Variants in SRSF4 observed in about 807,000 individuals in gnomAD.
SRSF4 encodes serine and arginine rich splicing factor 4.
SRSF4 carries 12 observed loss-of-function variants against 48.8 expected under a neutral mutation model. The observed-to-expected ratio is 0.25, with a 90% CI of 0.16 to 0.40. The LOEUF (loss-of-function observed/expected upper bound fraction) is 0.40. Ranked by LOEUF, SRSF4 falls within the 10% of genes least tolerant of loss-of-function variation. The pLI is 1.00. For synonymous variants in SRSF4, 248 were observed against 232.5 expected, an observed-to-expected ratio of 1.07 and a Z score of -0.61; for missense variants, 466 against 667.1, an observed-to-expected ratio of 0.70 and a Z score of 3.32.
chr1:29,175,533 A>C (rs1232113364), intron 1 of SRSF4, among the ~76,000 whole-genome samples: 1 of 150,254 alleles, frequency 6.7e-6, no homozygotes, highest in Admixed American at 6.6e-5. Flanking sequence ...GTCTCTACTA[A>C]AAATACAAAA....
chr1:29,178,295 C>T (rs1672900237), intron 1 of SRSF4, among the ~76,000 whole-genome samples: 1 of 151,854 alleles, frequency 6.6e-6, no homozygotes, highest in South Asian at 2.1e-4. Flanking sequence ...ATCTGAACTC[C>T]AGCAATTCTT....
chr1:29,157,150 T>C (rs750468099), intron 3 of SRSF4, among the ~76,000 whole-genome samples: 3 of 152,090 alleles, frequency 2.0e-5, no homozygotes, highest in Non-Finnish European at 4.4e-5. Context: ...ACACAGTGTT[T>C]ATGGATAAGA....
chr1:29,154,450 C>A, intron 4 of SRSF4: 1 of 463,990 alleles, frequency 2.2e-6, no homozygotes, highest in Non-Finnish European at 3.8e-6. Flanking sequence ...CCACCTTGGC[C>A]TCCCAAAGTG....
chr1:29,157,049 T>A (rs1672511146), intron 3 of SRSF4, among the ~76,000 whole-genome samples: 1 of 152,204 alleles, frequency 6.6e-6, no homozygotes, highest in Non-Finnish European at 1.5e-5. Flanking sequence ...ATCTTTAACT[T>A]ATCGGAGAGT....
In SRSF4 at chr1:29,181,854, G is replaced by A. The variant is rs949919812; in HGVS notation, c.-102C>T. The A allele has an allele frequency of 7.6e-5, 75 of 983,928 alleles. No homozygotes were observed. In the East Asian group the frequency reaches 1.8e-3, roughly 24 times the overall value. 60.9% of individuals were successfully genotyped at this position (983,928 alleles called of 1,614,324 possible). On this transcript the variant is annotated 5_prime_UTR_variant, in exon 1 of 6. Coordinates refer to ENST00000373795, the MANE Select transcript of SRSF4 (RefSeq NM_005626.5). ...CAGCGGCGGCGGCGGCAACGGGCGG[G>A]CGGCGGGACGGACGCAGCCGAACCC...
At chr1:29,181,205 G>A (rs952478998) in intron 1 of SRSF4, among the ~76,000 whole-genome samples, 9 of 152,228 alleles carry the variant, frequency 5.9e-5, no homozygotes, top group Non-Finnish European at 1.2e-4. Flanking sequence ...GTGACCGTCT[G>A]ATCCATGAGA....
At chr1:29,154,534 GTTCAAGAGT>G in intron 4 of SRSF4, 153 bp downstream of exon 4, 1 of 694,794 alleles carries the variant, frequency 1.4e-6, no homozygotes, top group Non-Finnish European at 2.3e-6. Flanking sequence ...TGACCTAAGA[GTTCAAGAGT>G]TTTACAAATA....
chr1:29,175,237 AC>A (rs1295845611), intron 1 of SRSF4, among the ~76,000 whole-genome samples: 1 of 148,574 alleles, frequency 6.7e-6, no homozygotes, highest in Non-Finnish European at 1.5e-5. Context: ...ACGTGGTGAA[AC>A]CCCGTTTCTA....
chr1:29,156,842 T>C lies in SRSF4; in HGVS notation c.364-1932A>G, dbSNP rs186808618. Reference sequence around the variant, plus strand: ...TAAAGAGTGGGGGCCAGGGGGCCAATTGCAAAATGGAGGCTGCAAAAGGCT... The same window carrying C: ...TAAAGAGTGGGGGCCAGGGGGCCAACTGCAAAATGGAGGCTGCAAAAGGCT... On this transcript the variant is annotated intron_variant, in intron 3 of 5. Coordinates refer to ENST00000373795, the MANE Select transcript of SRSF4 (RefSeq NM_005626.5). 2.0e-4 allele frequency among the ~76,000 whole-genome samples: 30 copies of C among 152,256 alleles called. No homozygotes were observed. In the East Asian group the frequency reaches 2.7e-3, roughly 14 times the overall value.
intron 4 of SRSF4, among the ~76,000 whole-genome samples, chr1:29,150,829 A>T (rs2151811988): frequency 6.6e-6 from 1 of 152,018 alleles, no homozygotes; most frequent in Non-Finnish European, 1.5e-5. Flanking sequence ...ATCCCCTTAC[A>T]CACCCACGAT....
At chr1:29,168,564 G>A (rs1001585148) in intron 1 of SRSF4, 14 of 152,256 alleles carry the variant, frequency 9.2e-5, no homozygotes, top group African/African-American at 3.1e-4. Context: ...ACTTTCACTC[G>A]TCTTTTGGTT....
chr1:29,149,298 G>A, intron 5 of SRSF4, 72 bp from the exon 6 acceptor site: 1 of 1,525,972 alleles, frequency 6.6e-7, no homozygotes, highest in Non-Finnish European at 8.8e-7. Flanking sequence ...AGACCAAAGG[G>A]CATACATGTG....
At chr1:29,170,492 T>C (rs1438252288) in intron 1 of SRSF4, 4 of 152,174 alleles carry the variant, frequency 2.6e-5, no homozygotes, top group Admixed American at 2.6e-4. Context: ...TCTTGGATCA[T>C]CTTGGCTGTA....
At chr1:29,154,593 AATC>A (rs750639611) in intron 4 of SRSF4, 100 bp downstream of exon 4, 44 of 1,096,974 alleles carry the variant, frequency 4.0e-5, no homozygotes, top group Non-Finnish European at 5.6e-5. Flanking sequence ...AACCAGATGG[AATC>A]ATGTTATTAA....
chr1:29,166,596 C>A (rs1672672635), intron 1 of SRSF4: 1 of 152,232 alleles, frequency 6.6e-6, no homozygotes, highest in South Asian at 2.1e-4. Context: ...AAAGCTGCTA[C>A]CACATGAAAT....
chr1:29,159,322 C>T, intron 3 of SRSF4, 52 bp downstream of exon 3: 1 of 1,327,048 alleles, frequency 7.5e-7, no homozygotes, highest in Non-Finnish European at 1.1e-6. Context: ...TACCTGTTTC[C>T]CAACTTTAAC....
In SRSF4 at chr1:29,153,438, G is replaced by A. The variant is rs924482697; in HGVS notation, c.578+1258C>T. Reference sequence around the variant, plus strand: ...GCTGGGATTACAGGTGTAAGCCACCGCGTCTGGCCATTTGTCTTCTTTACA... The same window carrying A: ...GCTGGGATTACAGGTGTAAGCCACCACGTCTGGCCATTTGTCTTCTTTACA... On this transcript the variant is annotated intron_variant, in intron 4 of 5. Transcript: ENST00000373795. Among the ~76,000 whole-genome samples, 17 of 151,760 alleles carry A rather than the reference G, an allele frequency of 1.1e-4. No individual in the cohort carries two copies. The East Asian group carries it at 1.2e-3, about 10-fold the overall frequency.
chr1:29,180,412 A>T (rs1672937482), intron 1 of SRSF4, among the ~76,000 whole-genome samples: 1 of 152,244 alleles, frequency 6.6e-6, no homozygotes, highest in South Asian at 2.1e-4. Flanking sequence ...AGACGTCCTC[A>T]GAAAGAAAAC....
In SRSF4 at chr1:29,181,828, G is replaced by T; in HGVS notation, c.-76C>A. 1 of 1,267,912 alleles carries T rather than the reference G, an allele frequency of 7.9e-7. No individual in the cohort carries two copies. The highest frequency in any genetic ancestry group is 1.9e-5 in the South Asian group (1 of 53,332). 78.5% of individuals were successfully genotyped at this position (1,267,912 alleles called of 1,614,324 possible). A position where few individuals can be genotyped will look rare whatever the true frequency, so the allele number is the denominator to read the frequency against. On this transcript the variant is annotated 5_prime_UTR_variant, in exon 1 of 6. Transcript: ENST00000373795. Reference sequence around the variant, plus strand: ...CGGCGGGCAAAGCGAGAGCACGGCGGCAGCGGCGGCGGCGGCAACGGGCGG... The same window carrying T: ...CGGCGGGCAAAGCGAGAGCACGGCGTCAGCGGCGGCGGCGGCAACGGGCGG...
Sources: gnomAD v4.1 joint callset for allele counts (sites outside exome capture counted in the v4.1 genomes callset) on GRCh38, gnomAD v4.1.1 for gene constraint, MANE v1.5 for transcripts, NCBI Gene and HGNC (gene_info 2026-07-23, HGNC 2026-07-21) for gene names.